HPSE2: variants seen among roughly 807,000 people sequenced by gnomAD.
HPSE2 encodes heparanase 2 (inactive), also known as inactive heparanase-2.
In HPSE2, 38 loss-of-function variants were observed where a neutral mutation model predicts 60.5. The ratio of observed to expected loss-of-function variants is 0.63; its 90% CI spans 0.48 to 0.82. HPSE2 has a LOEUF of 0.82. HPSE2 is among the 40% of genes least tolerant of loss of function. HPSE2 has a pLI of 0.00. For missense variants in HPSE2, 713 were observed against 740.4 expected (o/e 0.96, Z 0.43); for synonymous variants, 295 against 293.2 (o/e 1.01, Z -0.06).
intron 3 of HPSE2, among the ~76,000 whole-genome samples, chr10:99,037,035 G>A (rs1957625088): frequency 6.6e-6 from 1 of 152,152 alleles, no homozygotes; most frequent in Non-Finnish European, 1.5e-5. Flanking sequence ...CTGAAATGAT[G>A]TAAAGAGAAA....
intron 6 of HPSE2, among the ~76,000 whole-genome samples, chr10:98,682,072 T>C (rs1316411000): frequency 6.6e-6 from 1 of 152,010 alleles, no homozygotes; most frequent in African/African-American, 2.4e-5. Context: ...AGTGTTGGAG[T>C]TGGGGCCTGG....
At chr10:98,954,977 T>TA in intron 3 of HPSE2, among the ~76,000 whole-genome samples, 1 of 61,992 alleles carries the variant, frequency 1.6e-5, no homozygotes, top group Non-Finnish European at 4.1e-5. Context: ...TATATACATA[T>TA]TTATATATAT....
chr10:99,041,719 G>A (rs1254902203), intron 3 of HPSE2, among the ~76,000 whole-genome samples: 2 of 152,304 alleles, frequency 1.3e-5, no homozygotes, highest in Admixed American at 6.5e-5. Context: ...ACCAGGAACA[G>A]CCAACTGGCC....
chr10:98,609,389 T>C (rs956391880), intron 9 of HPSE2, among the ~76,000 whole-genome samples: 1 of 152,122 alleles, frequency 6.6e-6, no homozygotes, highest in Non-Finnish European at 1.5e-5. Flanking sequence ...AACATTTGCA[T>C]AGTTATTTAA....
intron 11 of HPSE2, among the ~76,000 whole-genome samples, chr10:98,468,572 T>C (rs1940651053): frequency 6.6e-6 from 1 of 152,066 alleles, no homozygotes; most frequent in African/African-American, 2.4e-5. Context: ...ATCTCCCTTT[T>C]AGCGTCCCTC....
intron 9 of HPSE2, among the ~76,000 whole-genome samples, chr10:98,544,589 T>C (rs986210463): frequency 2.0e-5 from 3 of 150,728 alleles, no homozygotes; most frequent in African/African-American, 7.3e-5. Flanking sequence ...GGCGGGCGCC[T>C]GTAGTCCCAG....
At chr10:99,136,888 T>A (rs1343070139) in intron 3 of HPSE2, among the ~76,000 whole-genome samples, 1 of 152,144 alleles carries the variant, frequency 6.6e-6, no homozygotes, top group East Asian at 1.9e-4. Context: ...AAGTTCTGGC[T>A]AGGACAATCA....
chr10:99,118,116 T>C (rs1844781356), intron 3 of HPSE2, among the ~76,000 whole-genome samples: 1 of 151,858 alleles, frequency 6.6e-6, no homozygotes, highest in African/African-American at 2.4e-5. Context: ...ATCCATCACA[T>C]AAACAGAATT....
the HPSE2 span, among the ~76,000 whole-genome samples, chr10:99,290,526 T>C: frequency 6.6e-6 from 1 of 152,206 alleles, no homozygotes. Context: ...TCATGTGATT[T>C]ACTAAGAAAC....
At chr10:98,828,026 C>G (rs1245135688) in intron 3 of HPSE2, among the ~76,000 whole-genome samples, 1 of 152,128 alleles carries the variant, frequency 6.6e-6, no homozygotes. Flanking sequence ...CAAAAGTCTG[C>G]CAGCAGACTG....
At chr10:98,926,355 A>G (rs1191924186) in intron 3 of HPSE2, among the ~76,000 whole-genome samples, 1 of 152,196 alleles carries the variant, frequency 6.6e-6, no homozygotes. Context: ...AAATATAACC[A>G]GATGGTAGTG....
At chr10:99,306,363 A>G in the HPSE2 span, among the ~76,000 whole-genome samples, 1 of 152,216 alleles carries the variant, frequency 6.6e-6, no homozygotes, top group East Asian at 1.9e-4. Context: ...CAAGAAGTTC[A>G]AACCACGTAA....
Position 98,728,384 on chromosome 10 carries a change from G to A in HPSE2, c.785-6556C>T, listed in dbSNP as rs567749107. On this transcript the variant is annotated intron_variant, in intron 4 of 11. Transcript: ENST00000370552. ...TGTAATCCTAGCACTTTGGGAGGCC[G>A]AGGTGGGTGGATCACCTGAGGTCAG... 5.9e-5 allele frequency among the ~76,000 whole-genome samples: 9 copies of A among 152,210 alleles called. No individual in the cohort carries two copies. The East Asian group carries it at 1.7e-3, about 29-fold the overall frequency.
the HPSE2 span, among the ~76,000 whole-genome samples, chr10:99,296,691 C>T: frequency 1.3e-5 from 2 of 152,218 alleles, no homozygotes; most frequent in African/African-American, 4.8e-5. Context: ...GCCTGCCCTG[C>T]ATCAGCTTGG....
chr10:98,476,151 T>G (rs559880871), intron 11 of HPSE2, among the ~76,000 whole-genome samples: 2 of 151,234 alleles, frequency 1.3e-5, no homozygotes, highest in Non-Finnish European at 1.5e-5. Flanking sequence ...CCATAAAAAA[T>G]GATGAGTTCA....
chr10:98,648,395 C>G (rs980783754), intron 6 of HPSE2, among the ~76,000 whole-genome samples: 1 of 152,134 alleles, frequency 6.6e-6, no homozygotes, highest in African/African-American at 2.4e-5. Context: ...CAGGTGATGG[C>G]ACCAGAATTG....
chr10:98,672,311 T>C (rs1169671671), intron 6 of HPSE2, among the ~76,000 whole-genome samples: 1 of 152,218 alleles, frequency 6.6e-6, no homozygotes. Flanking sequence ...AACAATGGTA[T>C]ATTCTGTTTA....
intron 3 of HPSE2, among the ~76,000 whole-genome samples, chr10:99,132,305 A>G: frequency 6.6e-6 from 1 of 151,946 alleles, no homozygotes; most frequent in Non-Finnish European, 1.5e-5. Flanking sequence ...GAATTTATGC[A>G]TGTAACCAAA....
At chr10:99,123,134 A>G (rs1456204567) in intron 3 of HPSE2, among the ~76,000 whole-genome samples, 3 of 152,196 alleles carry the variant, frequency 2.0e-5, no homozygotes, top group Non-Finnish European at 2.9e-5. Flanking sequence ...GTCACAGTAA[A>G]AGAGTAAAGC....
Sources: allele counts gnomAD v4.1 joint callset (sites outside exome capture counted in the v4.1 genomes callset), GRCh38; gene constraint gnomAD v4.1.1; transcripts MANE v1.5; gene names NCBI Gene and HGNC (gene_info 2026-07-23, HGNC 2026-07-21).